Variants in OR9Q1 observed in about 807,000 individuals in gnomAD.
OR9Q1 encodes olfactory receptor 9Q1.
For missense variants in OR9Q1, 374 were observed against 378.8 expected, an observed-to-expected ratio of 0.99 and a Z score of 0.11; for synonymous variants, 153 against 148.6, an observed-to-expected ratio of 1.03 and a Z score of -0.22.
At chr11:58,175,371 C>T (rs1854595493) in intron 2 of OR9Q1, among the ~76,000 whole-genome samples, 1 of 151,970 alleles carries the variant, frequency 6.6e-6, no homozygotes, top group Admixed American at 6.6e-5. Flanking sequence ...GACCCCCTTT[C>T]CTAAAGAGTT....
chr11:58,160,822 C>A (rs1854450354), intron 2 of OR9Q1, among the ~76,000 whole-genome samples: 4 of 152,124 alleles, frequency 2.6e-5, no homozygotes, highest in Admixed American at 2.6e-4. Flanking sequence ...TCACGCCCAC[C>A]ATAGTCTACA....
chr11:58,087,713 C>T (rs980060373), intron 2 of OR9Q1, among the ~76,000 whole-genome samples: 2 of 151,714 alleles, frequency 1.3e-5, no homozygotes, highest in African/African-American at 4.9e-5. Context: ...TCTCCCTCCC[C>T]TTGCCCCCCA....
intron 1 of OR9Q1, among the ~76,000 whole-genome samples, chr11:58,048,566 CAGA>C (rs1174579508): frequency 2.3e-4 from 34 of 150,710 alleles, no homozygotes; most frequent in Admixed American, 2.2e-3. Context: ...GAGGCTGAGA[CAGA>C]AGAATTGCTT....
intron 2 of OR9Q1, among the ~76,000 whole-genome samples, chr11:58,078,837 TC>T (rs1310244601): frequency 2.0e-5 from 3 of 152,204 alleles, no homozygotes; most frequent in Non-Finnish European, 4.4e-5. Flanking sequence ...CTGGTTAAAA[TC>T]CACCTGTTGG....
intron 2 of OR9Q1, among the ~76,000 whole-genome samples, chr11:58,089,585 T>C (rs1175455835): frequency 3.3e-5 from 5 of 151,960 alleles, no homozygotes; most frequent in Non-Finnish European, 1.5e-5. Flanking sequence ...TCAGGCAGCA[T>C]GATGCCTCCA....
In OR9Q1 at chr11:58,037,690, T is replaced by G. The variant is rs867775134; in HGVS notation, c.-93+13586T>G. On this transcript the variant is annotated intron_variant, in intron 1 of 2. Coordinates refer to ENST00000335397, the MANE Select transcript of OR9Q1 (RefSeq NM_001005212.4). ...ATATATATATATATATATATATATA[T>G]TTTTTTTTTTTTTTTTTTTTTTTTT... 2.6e-3 allele frequency among the ~76,000 whole-genome samples: 24 copies of G among 9,354 alleles called. 1 individual carries two copies. Among genetic ancestry groups the G allele is most frequent in the South Asian group, 0.02 (3 of 148 alleles). The allele number at this position is 9,354 out of a possible 152,430, so 6.1% of individuals were successfully genotyped here.
chr11:58,035,562 G>A (rs924080992), intron 1 of OR9Q1, among the ~76,000 whole-genome samples: 1 of 152,128 alleles, frequency 6.6e-6, no homozygotes, highest in African/African-American at 2.4e-5. Flanking sequence ...ATTTCAATGT[G>A]GATTCCAGAA....
chr11:58,141,509 G>A (rs1854248690), intron 2 of OR9Q1, among the ~76,000 whole-genome samples: 1 of 152,140 alleles, frequency 6.6e-6, no homozygotes, highest in South Asian at 2.1e-4. Flanking sequence ...CTGTTTATAT[G>A]CTGGATTACG....
chr11:58,174,992 G>C (rs1308659803), intron 2 of OR9Q1, among the ~76,000 whole-genome samples: 1 of 149,990 alleles, frequency 6.7e-6, no homozygotes, highest in Non-Finnish European at 1.5e-5. Flanking sequence ...TGTAATCCCA[G>C]CTACTAGGGT....
chr11:58,109,243 G>C (rs748275368), intron 2 of OR9Q1: 5 of 464,064 alleles, frequency 1.1e-5, no homozygotes, highest in African/African-American at 6.0e-5. Context: ...GACCCTGCAG[G>C]TACCTGGAGT....
At chr11:58,063,707 T>TG (rs141248235) in intron 2 of OR9Q1, among the ~76,000 whole-genome samples, 17,118 of 152,100 alleles carry the variant, frequency 0.11, 1,488 homozygotes, top group African/African-American at 0.22. Flanking sequence ...ATTTAATTTT[T>TG]GGGGGGGTGA....
At chr11:58,179,277 C>T (rs776050705) in intron 2 of OR9Q1, among the ~76,000 whole-genome samples, 154 bp from the exon 3 acceptor site, 32 of 151,658 alleles carry the variant, frequency 2.1e-4, no homozygotes, top group Non-Finnish European at 2.4e-4. Context: ...CCCACTGCCT[C>T]GCTTCCAAAG....
intron 1 of OR9Q1, among the ~76,000 whole-genome samples, chr11:58,037,114 C>T (rs898946504): frequency 1.1e-4 from 17 of 152,310 alleles, no homozygotes; most frequent in Middle Eastern, 6.8e-3. Context: ...CAACCACCAC[C>T]CTGATTGGAC....
At chr11:58,070,627 A>T (rs1853478609) in intron 2 of OR9Q1, among the ~76,000 whole-genome samples, 1 of 152,226 alleles carries the variant, frequency 6.6e-6, no homozygotes, top group Admixed American at 6.5e-5. Context: ...TCAATGGCAT[A>T]AATTCTGTGG....
chr11:58,147,573 A>T (rs1854310615), intron 2 of OR9Q1, among the ~76,000 whole-genome samples: 1 of 152,172 alleles, frequency 6.6e-6, no homozygotes, highest in Non-Finnish European at 1.5e-5. Flanking sequence ...TGTGAGTGGC[A>T]ACCAATTTTG....
chr11:58,150,192 A>G (rs1410488790), intron 2 of OR9Q1, among the ~76,000 whole-genome samples: 5 of 152,162 alleles, frequency 3.3e-5, no homozygotes, highest in Non-Finnish European at 7.4e-5. Flanking sequence ...GTGGTTTTGA[A>G]TTGCATTACC....
intron 2 of OR9Q1, among the ~76,000 whole-genome samples, chr11:58,162,609 ACC>A (rs1374417817): frequency 6.6e-6 from 1 of 152,176 alleles, no homozygotes; most frequent in African/African-American, 2.4e-5. Flanking sequence ...TCACTACAGT[ACC>A]AGCTGGTAAT....
chr11:58,113,031 C>G (rs1853917504), intron 2 of OR9Q1, among the ~76,000 whole-genome samples: 1 of 152,090 alleles, frequency 6.6e-6, no homozygotes, highest in African/African-American at 2.4e-5. Flanking sequence ...CTGTGGTTTT[C>G]TAGCTATGTT....
chr11:58,100,224 T>A (rs1192704060), intron 2 of OR9Q1, among the ~76,000 whole-genome samples: 2 of 152,308 alleles, frequency 1.3e-5, no homozygotes, highest in Admixed American at 1.3e-4. Context: ...TATTGTAGAC[T>A]CTAACTCTCA....
Sources: gnomAD v4.1 joint callset for allele counts (sites outside exome capture counted in the v4.1 genomes callset) on GRCh38, gnomAD v4.1.1 for gene constraint, MANE v1.5 for transcripts, NCBI Gene and HGNC (gene_info 2026-07-23, HGNC 2026-07-21) for gene names.